The following PTPRT variants were observed in gnomAD, a reference collection of about 807,000 sequenced individuals.
PTPRT encodes receptor-type tyrosine-protein phosphatase T.
A neutral mutation model predicts 176.8 loss-of-function variants in PTPRT; 56 were observed. The ratio of observed to expected loss-of-function variants is 0.32; its 90% CI spans 0.26 to 0.40. The LOEUF is 0.40. Among genes scored for constraint, PTPRT ranks in the 10% least tolerant of loss-of-function variants. PTPRT has a pLI of 1.00. For missense variants in PTPRT, 1,540 were observed against 1,908.2 expected (o/e 0.81, Z 3.60); for synonymous variants, 783 against 739.0 (o/e 1.06, Z -0.96).
chr20:42,445,806 G>A (rs771749916), intron 9 of PTPRT, among the ~76,000 whole-genome samples: 5 of 152,118 alleles, frequency 3.3e-5, no homozygotes, highest in Non-Finnish European at 5.9e-5. Flanking sequence ...AATCCACAAG[G>A]CATCAGATTC....
At chr20:42,790,417 T>TA (rs1287564373) in intron 3 of PTPRT, among the ~76,000 whole-genome samples, 4 of 151,676 alleles carry the variant, frequency 2.6e-5, no homozygotes, top group Non-Finnish European at 5.9e-5. Flanking sequence ...TTTTTTTTTT[T>TA]ACCATGGTTT....
chr20:43,008,159 G>A (rs569979854), intron 1 of PTPRT, among the ~76,000 whole-genome samples: 81 of 152,294 alleles, frequency 5.3e-4, no homozygotes, highest in South Asian at 3.5e-3. Flanking sequence ...CTAACCCCAC[G>A]AGGTAAGAGT....
chr20:42,936,345 T>C (rs752576051), intron 1 of PTPRT, among the ~76,000 whole-genome samples: 1 of 152,150 alleles, frequency 6.6e-6, no homozygotes, highest in Non-Finnish European at 1.5e-5. Context: ...AGACAGAAGC[T>C]GCAGATGCAA....
chr20:42,442,152 G>C (rs1297182309), intron 9 of PTPRT, among the ~76,000 whole-genome samples: 3 of 152,160 alleles, frequency 2.0e-5, no homozygotes, highest in South Asian at 2.1e-4. Flanking sequence ...CTGTCTTAAA[G>C]AGTTTCCTCG....
At chr20:43,158,459 GAGA>G (rs2014588608) in intron 1 of PTPRT, among the ~76,000 whole-genome samples, 1 of 152,230 alleles carries the variant, frequency 6.6e-6, no homozygotes, top group South Asian at 2.1e-4. Context: ...CATTAGCATG[GAGA>G]AGGTCTTTAA....
intron 2 of PTPRT, among the ~76,000 whole-genome samples, chr20:42,801,427 G>A (rs112992817): frequency 5.7e-4 from 87 of 152,202 alleles, no homozygotes; most frequent in South Asian, 4.1e-3. Context: ...GTTTCCCCAA[G>A]GTGGTTCCAT....
chr20:43,059,624 G>A (rs1208241149), intron 1 of PTPRT, among the ~76,000 whole-genome samples: 2 of 152,132 alleles, frequency 1.3e-5, no homozygotes, highest in African/African-American at 2.4e-5. Flanking sequence ...TCTCTCAGGA[G>A]GTGGAGGCTT....
rs1429525550 is a variant in PTPRT at position 42,074,358 on chromosome 20, C to G, written c.*6521G>C. 3 of 236,628 alleles carry G rather than the reference C, an allele frequency of 1.3e-5. No homozygotes were observed. The highest frequency in any genetic ancestry group is 2.5e-5 in the Non-Finnish European group (3 of 120,836). The allele number at this position is 236,628 out of a possible 1,614,324, so 14.7% of individuals were successfully genotyped here. On this transcript the variant is annotated 3_prime_UTR_variant, in exon 31 of 31. Transcript: ENST00000373187. The stretch of plus-strand genomic sequence containing the variant: ...ATTTTGGTGGTTTACTTCCTATGAC[C>G]CTTTCTCCTCCACATCCAAGAGTCC...
chr20:42,205,115 T>C (rs1028395356), intron 15 of PTPRT, among the ~76,000 whole-genome samples: 6 of 151,236 alleles, frequency 4.0e-5, no homozygotes, highest in Non-Finnish European at 7.4e-5. Flanking sequence ...ATATACCTAA[T>C]GTTAAATGAC....
chr20:42,054,482 A>T, the PTPRT span, among the ~76,000 whole-genome samples: 800 of 152,288 alleles, frequency 5.3e-3, 5 homozygotes, highest in African/African-American at 0.018. Context: ...AGAATGTCAG[A>T]GATGGAGGGG....
At chr20:42,650,957 C>G (rs2075018745) in intron 7 of PTPRT, among the ~76,000 whole-genome samples, 2 of 152,010 alleles carry the variant, frequency 1.3e-5, no homozygotes, top group African/African-American at 4.8e-5. Context: ...ACCTCCATTT[C>G]TCTGGCGAAG....
At position 42,200,459 on chromosome 20, in the gene PTPRT, G is replaced by A. The variant is rs186994338; in HGVS notation, c.2343-1071C>T. On this transcript the variant is annotated intron_variant, in intron 15 of 30. Coordinates refer to ENST00000373187, the MANE Select transcript of PTPRT (RefSeq NM_007050.6). ...CCAGTGGATCCAACTATATTCTAAT[G>A]TTGGAATTCCCTCCCCAACAGCCCC... 2.6e-3 allele frequency among the ~76,000 whole-genome samples: 400 copies of A among 152,268 alleles called. 5 individuals carry two copies. Among genetic ancestry groups the A allele is most frequent in the East Asian group, 0.016 (85 of 5,184 alleles).
intron 7 of PTPRT, among the ~76,000 whole-genome samples, chr20:42,478,163 C>T (rs1291950804): frequency 2.0e-5 from 3 of 152,166 alleles, no homozygotes; most frequent in African/African-American, 7.2e-5. Context: ...GGTTGCTGTG[C>T]ACACACATAT....
chr20:42,300,321 T>C (rs939847942), intron 12 of PTPRT, among the ~76,000 whole-genome samples: 13 of 144,750 alleles, frequency 9.0e-5, no homozygotes, highest in South Asian at 2.2e-4. Flanking sequence ...GAGGGATACA[T>C]AGACAAAGAG....
At chr20:42,189,208 T>C (rs932358) in intron 16 of PTPRT, among the ~76,000 whole-genome samples, 94,951 of 152,074 alleles carry the variant, frequency 0.62, 30,489 homozygotes, top group African/African-American at 0.77. Flanking sequence ...ACACCTCATA[T>C]TTCCAAGCTT....
chr20:42,447,575 G>C (rs1232403731), intron 9 of PTPRT, among the ~76,000 whole-genome samples: 1 of 152,004 alleles, frequency 6.6e-6, no homozygotes, highest in Non-Finnish European at 1.5e-5. Context: ...TTTTTGTTTT[G>C]TTTTGCAATA....
At chr20:42,835,492 A>T (rs1446371335) in intron 2 of PTPRT, among the ~76,000 whole-genome samples, 4 of 152,178 alleles carry the variant, frequency 2.6e-5, no homozygotes, top group African/African-American at 9.7e-5. Context: ...TTGGAAATGT[A>T]GTATTAAACG....
the PTPRT span, among the ~76,000 whole-genome samples, chr20:42,059,897 GA>G: frequency 1.3e-5 from 2 of 152,120 alleles, no homozygotes; most frequent in Non-Finnish European, 2.9e-5. Context: ...TTATTCTTGG[GA>G]AAGTCATGGA....
At chr20:42,288,287 C>T (rs2147077294) in intron 12 of PTPRT, among the ~76,000 whole-genome samples, 1 of 152,048 alleles carries the variant, frequency 6.6e-6, no homozygotes, top group East Asian at 1.9e-4. Context: ...AATTTGCTTT[C>T]TGTGGGAATA....
Sources: gnomAD v4.1 joint callset for allele counts (sites outside exome capture counted in the v4.1 genomes callset) on GRCh38, gnomAD v4.1.1 for gene constraint, MANE v1.5 for transcripts, NCBI Gene and HGNC (gene_info 2026-07-23, HGNC 2026-07-21) for gene names.